Variants in VTI1A observed in about 807,000 individuals in gnomAD.
The protein encoded by VTI1A is vesicle transport through interaction with t-SNAREs homolog 1A.
A neutral mutation model predicts 34.9 loss-of-function variants in VTI1A; 22 were observed. The ratio of observed to expected loss-of-function variants is 0.63; its 90% CI spans 0.45 to 0.90. VTI1A has a LOEUF of 0.90. Ranked by LOEUF, VTI1A falls within the 40% of genes least tolerant of loss-of-function variation. The pLI is 0.00. For missense variants in VTI1A, 268 were observed against 275.6 expected (o/e 0.97, Z 0.20); for synonymous variants, 87 against 97.3 (o/e 0.89, Z 0.62).
intron 3 of VTI1A, among the ~76,000 whole-genome samples, chr10:112,495,857 A>G (rs899478551): frequency 2.0e-5 from 3 of 152,208 alleles, no homozygotes; most frequent in Non-Finnish European, 4.4e-5. Flanking sequence ...TGAATTATGA[A>G]AAAAGCTTCT....
At chr10:112,737,457 TA>T in intron 7 of VTI1A, 1 of 1,044,170 alleles carries the variant, frequency 9.6e-7, no homozygotes, top group Non-Finnish European at 1.2e-6. Flanking sequence ...AACAAAATAA[TA>T]AGGCTGAATT....
intron 7 of VTI1A, among the ~76,000 whole-genome samples, chr10:112,682,849 C>T (rs1848265837): frequency 6.6e-6 from 1 of 152,190 alleles, no homozygotes; most frequent in African/African-American, 2.4e-5. Flanking sequence ...CCCGGGGACT[C>T]AATTTGGATG....
chr10:112,731,110 G>A (rs966485440), intron 7 of VTI1A, among the ~76,000 whole-genome samples: 4 of 152,100 alleles, frequency 2.6e-5, no homozygotes, highest in Non-Finnish European at 5.9e-5. Context: ...GGTAGCACTC[G>A]TTCAGAACTG....
At chr10:112,508,720 G>C (rs1342952725) in intron 3 of VTI1A, among the ~76,000 whole-genome samples, 1 of 152,182 alleles carries the variant, frequency 6.6e-6, no homozygotes, top group East Asian at 1.9e-4. Context: ...ACTAAATCAT[G>C]TGCTGATAAT....
chr10:112,616,336 C>T (rs935013428), intron 5 of VTI1A, among the ~76,000 whole-genome samples: 3 of 152,174 alleles, frequency 2.0e-5, no homozygotes, highest in African/African-American at 7.2e-5. Flanking sequence ...TGCACACACT[C>T]ACACACAATG....
intron 5 of VTI1A, among the ~76,000 whole-genome samples, chr10:112,601,245 A>T (rs1315147748): frequency 6.6e-6 from 1 of 152,134 alleles, no homozygotes; most frequent in East Asian, 1.9e-4. Context: ...ACAGAGGCAG[A>T]AAAGTCCAAG....
chr10:112,531,063 T>TCACA (rs10670312), intron 4 of VTI1A, among the ~76,000 whole-genome samples: 30,975 of 139,592 alleles, frequency 0.22, 3,702 homozygotes, highest in Non-Finnish European at 0.27. Flanking sequence ...GTGACACACC[T>TCACA]CACACACACA....
At position 112,668,229 on chromosome 10, in the gene VTI1A, CAGG is replaced by C. The variant is rs766044901; in HGVS notation, c.442_444del (p.Glu148del). The C allele has an allele frequency of 1.9e-6, 3 of 1,612,418 alleles. No homozygotes were observed. Among genetic ancestry groups the C allele is most frequent in the Non-Finnish European group, 2.5e-6 (3 of 1,178,964 alleles). ...TTTCTTTTCCGTAGAGCAAATTGGT[CAGG>C]AGATGTTGGAAAACCTTAGTCATGA... On this transcript the variant is annotated inframe_deletion, in exon 6 of 8. Coordinates refer to ENST00000393077, the MANE Select transcript of VTI1A (RefSeq NM_145206.4).
At chr10:112,528,222 A>G (rs1850305017) in intron 4 of VTI1A, among the ~76,000 whole-genome samples, 2 of 152,178 alleles carry the variant, frequency 1.3e-5, no homozygotes, top group Non-Finnish European at 2.9e-5. Flanking sequence ...AATTGTATTT[A>G]CCATCTCAAA....
intron 7 of VTI1A, among the ~76,000 whole-genome samples, chr10:112,813,947 GGA>G (rs764021985): frequency 6.6e-5 from 10 of 152,162 alleles, no homozygotes; most frequent in Admixed American, 2.0e-4. Context: ...CCTGTCAGGA[GGA>G]GAGAGAGCTC....
At chr10:112,661,334 C>T (rs1036126317) in intron 5 of VTI1A, among the ~76,000 whole-genome samples, 5 of 152,116 alleles carry the variant, frequency 3.3e-5, no homozygotes, top group African/African-American at 1.2e-4. Context: ...CAGGCTGATC[C>T]AGAACTCCTG....
Position 112,453,986 on chromosome 10 carries a change from A to G in VTI1A, c.94+6519A>G, listed in dbSNP as rs138100240. ...TATATAGTATGTTAAACACAAGTTC[A>G]TACTAGTATCTCCAGCTCTAATCCA... On this transcript the variant is annotated intron_variant, in intron 1 of 7. Transcript: ENST00000393077. 3.0e-3 allele frequency among the ~76,000 whole-genome samples: 451 copies of G among 152,348 alleles called. 2 individuals are homozygous for G. The highest frequency in any genetic ancestry group is 0.01 in the African/African-American group (426 of 41,584).
chr10:112,652,218 C>T (rs969134743), intron 5 of VTI1A, among the ~76,000 whole-genome samples: 1 of 152,218 alleles, frequency 6.6e-6, no homozygotes, highest in Non-Finnish European at 1.5e-5. Context: ...AAGCCTCCCA[C>T]TGCCATAACA....
At chr10:112,451,929 G>C (rs545292014) in intron 1 of VTI1A, among the ~76,000 whole-genome samples, 1 of 152,180 alleles carries the variant, frequency 6.6e-6, no homozygotes, top group South Asian at 2.1e-4. Flanking sequence ...TTAGATATAT[G>C]CAATTACGTA....
At chr10:112,575,979 T>C (rs2134380894) in intron 5 of VTI1A, among the ~76,000 whole-genome samples, 1 of 152,086 alleles carries the variant, frequency 6.6e-6, no homozygotes, top group South Asian at 2.1e-4. Context: ...GTGTATCTTT[T>C]GCCCATTCCC....
chr10:112,564,661 G>A (rs1851847180), intron 5 of VTI1A, among the ~76,000 whole-genome samples: 1 of 151,992 alleles, frequency 6.6e-6, no homozygotes, highest in Admixed American at 6.6e-5. Flanking sequence ...TCTTTTCTCT[G>A]TTAGAATTAG....
chr10:112,475,052 C>T (rs943502713), intron 3 of VTI1A, among the ~76,000 whole-genome samples: 4 of 152,112 alleles, frequency 2.6e-5, no homozygotes, highest in African/African-American at 4.8e-5. Flanking sequence ...ATAAAAGGTT[C>T]GTGTTCTTGA....
intron 7 of VTI1A, among the ~76,000 whole-genome samples, chr10:112,804,691 C>T (rs1200728167): frequency 4.6e-5 from 7 of 151,956 alleles, no homozygotes. Context: ...ATTGATTGCT[C>T]ATTGTGACAC....
At chr10:112,808,777 C>T (rs1334885963) in intron 7 of VTI1A, among the ~76,000 whole-genome samples, 1 of 152,170 alleles carries the variant, frequency 6.6e-6, no homozygotes, top group East Asian at 1.9e-4. Flanking sequence ...AATATGTCTT[C>T]AGGAATCCGT....
Sources: allele counts gnomAD v4.1 joint callset (sites outside exome capture counted in the v4.1 genomes callset), GRCh38; gene constraint gnomAD v4.1.1; transcripts MANE v1.5; gene names NCBI Gene and HGNC (gene_info 2026-07-23, HGNC 2026-07-21).